MAPK10: variants seen among roughly 807,000 people sequenced by gnomAD.
MAPK10 encodes JNK3 alpha protein kinase.
In MAPK10, 25 loss-of-function variants were observed where a neutral mutation model predicts 59.3. That is an observed-to-expected ratio of 0.42 (90% CI 0.31 to 0.59). The LOEUF is 0.59. MAPK10 is among the 20% of genes least tolerant of loss of function. The pLI is 0.15. For synonymous variants in MAPK10, 190 were observed against 200.5 expected (o/e 0.95, Z 0.44); for missense variants, 351 against 568.9 (o/e 0.62, Z 3.90).
At chr4:86,593,761 C>CT (rs1382424472) in intron 1 of MAPK10, 2 of 152,132 alleles carry the variant, frequency 1.3e-5, no homozygotes, top group Non-Finnish European at 2.9e-5. Flanking sequence ...CCCGCCATTT[C>CT]TAAGTTGCTA....
At chr4:86,070,206 A>C (rs2047553292) in intron 9 of MAPK10, among the ~76,000 whole-genome samples, 1 of 152,168 alleles carries the variant, frequency 6.6e-6, no homozygotes, top group African/African-American at 2.4e-5. Flanking sequence ...TCTTTATTTT[A>C]ACCAATCCAT....
chr4:86,249,592 G>C (rs894424477), intron 2 of MAPK10, among the ~76,000 whole-genome samples: 1 of 152,126 alleles, frequency 6.6e-6, no homozygotes, highest in Non-Finnish European at 1.5e-5. Context: ...GAGAAAATAC[G>C]GTTTGGAAGT....
intron 4 of MAPK10, among the ~76,000 whole-genome samples, chr4:86,140,189 GC>G (rs2063305883): frequency 1.4e-5 from 2 of 139,444 alleles, no homozygotes; most frequent in Admixed American, 1.4e-4. Flanking sequence ...CTGGGTATAT[GC>G]CCAAAGGACT....
intron 1 of MAPK10, among the ~76,000 whole-genome samples, chr4:86,460,839 A>G (rs1485276727): frequency 6.6e-6 from 1 of 152,228 alleles, no homozygotes; most frequent in Non-Finnish European, 1.5e-5. Context: ...TAGTTAATCT[A>G]TAATCTATAG....
At chr4:86,584,881 G>C (rs1186962240) in intron 1 of MAPK10, among the ~76,000 whole-genome samples, 2 of 152,156 alleles carry the variant, frequency 1.3e-5, no homozygotes, top group African/African-American at 4.8e-5. Flanking sequence ...GAAGCTTGAA[G>C]CTGCTATTGA....
At chr4:86,167,280 A>G (rs905027428) in intron 3 of MAPK10, among the ~76,000 whole-genome samples, 1 of 152,208 alleles carries the variant, frequency 6.6e-6, no homozygotes, top group African/African-American at 2.4e-5. Flanking sequence ...GCTGAACTCT[A>G]CCAGAGGTAC....
intron 6 of MAPK10, chr4:86,102,265 T>C: frequency 2.4e-6 from 1 of 408,628 alleles, no homozygotes. Context: ...TCCACAGATT[T>C]GTTACCTTAA....
chr4:86,532,564 G>A (rs1470332670), intron 1 of MAPK10, among the ~76,000 whole-genome samples: 1 of 152,110 alleles, frequency 6.6e-6, no homozygotes, highest in Non-Finnish European at 1.5e-5. Context: ...CATTGTTCCA[G>A]TCCTCTCTTC....
intron 4 of MAPK10, among the ~76,000 whole-genome samples, chr4:86,140,689 A>T (rs955712791): frequency 3.3e-5 from 5 of 151,982 alleles, no homozygotes; most frequent in Admixed American, 6.6e-5. Flanking sequence ...ATAATAATAA[A>T]AAAAAAAATT....
chr4:86,268,908 A>G (rs2094342780), intron 2 of MAPK10, among the ~76,000 whole-genome samples: 1 of 152,140 alleles, frequency 6.6e-6, no homozygotes, highest in South Asian at 2.1e-4. Context: ...GCAGTAAAAT[A>G]TATACTTCTT....
rs2090193934 is a variant in MAPK10 at position 86,224,181 on chromosome 4, T to C, written c.-6-29774A>G. Among the ~76,000 whole-genome samples the C allele has an allele frequency of 2.0e-5, 3 of 152,334 alleles. No homozygotes were observed. In the South Asian group the frequency reaches 6.2e-4, roughly 32 times the overall value. On this transcript the variant is annotated intron_variant, in intron 2 of 13. Coordinates refer to ENST00000641462, the MANE Select transcript of MAPK10 (RefSeq NM_138982.4). ...TTTCATGTAAAAAATATTTATTTAA[T>C]GCATACTATGGGCCTGGAATTCTGC... is the stretch of plus-strand genomic sequence containing the variant.
At chr4:86,345,298 T>C (rs1727475334) in intron 2 of MAPK10, among the ~76,000 whole-genome samples, 1 of 152,172 alleles carries the variant, frequency 6.6e-6, no homozygotes, top group African/African-American at 2.4e-5. Flanking sequence ...CATTCTTTAA[T>C]TCAATCTGTG....
chr4:86,085,375 A>G (rs2149038406), intron 9 of MAPK10, among the ~76,000 whole-genome samples: 1 of 152,332 alleles, frequency 6.6e-6, no homozygotes, highest in East Asian at 1.9e-4. Flanking sequence ...ACCAGAATAT[A>G]TAAGGAGCTC....
chr4:86,266,530 T>C (rs1023634397), intron 2 of MAPK10, among the ~76,000 whole-genome samples: 6 of 152,324 alleles, frequency 3.9e-5, no homozygotes, highest in South Asian at 4.1e-4. Context: ...CTAAGCCAAA[T>C]AGATATTTCC....
Position 86,497,340 on chromosome 4 carries a change from T to C in MAPK10, c.-263+96570A>G, listed in dbSNP as rs183174574. Among the ~76,000 whole-genome samples the C allele has an allele frequency of 2.4e-3, 360 of 152,292 alleles. 3 individuals are homozygous for C. The highest frequency in any genetic ancestry group is 8.4e-3 in the African/African-American group (349 of 41,554). Reference sequence around the variant, plus strand: ...TTTCCGTAGACTTGGCAAGGAACTATGCGGGCATGCACTGAATGGCCAGTC... The same window carrying C: ...TTTCCGTAGACTTGGCAAGGAACTACGCGGGCATGCACTGAATGGCCAGTC... On this transcript the variant is annotated intron_variant, in intron 1 of 4. Coordinates refer to the MAPK10 transcript ENST00000502302.
chr4:86,591,828 C>T (rs976390356), intron 1 of MAPK10, among the ~76,000 whole-genome samples: 4 of 152,070 alleles, frequency 2.6e-5, no homozygotes, highest in African/African-American at 9.7e-5. Context: ...TATTTTATAT[C>T]TAATTGCATT....
chr4:86,111,423 G>C (rs970682724), intron 4 of MAPK10, among the ~76,000 whole-genome samples: 13 of 152,076 alleles, frequency 8.5e-5, no homozygotes, highest in African/African-American at 3.1e-4. Context: ...TTTATTGAGA[G>C]TTTTAACATG....
intron 2 of MAPK10, among the ~76,000 whole-genome samples, chr4:86,220,732 G>A (rs898475379): frequency 6.6e-6 from 1 of 152,036 alleles, no homozygotes; most frequent in Non-Finnish European, 1.5e-5. Flanking sequence ...TTCTAATGAC[G>A]TACAGCCTAA....
At chr4:86,593,539 G>A (rs1249962267) in intron 1 of MAPK10, among the ~76,000 whole-genome samples, 2 of 152,174 alleles carry the variant, frequency 1.3e-5, no homozygotes, top group Non-Finnish European at 2.9e-5. Flanking sequence ...AAAAGTGGGA[G>A]GTTATCGACT....
Sources: gnomAD v4.1 joint callset for allele counts (sites outside exome capture counted in the v4.1 genomes callset) on GRCh38, gnomAD v4.1.1 for gene constraint, MANE v1.5 for transcripts, NCBI Gene and HGNC (gene_info 2026-07-23, HGNC 2026-07-21) for gene names.